The following RIN2 variants were observed in gnomAD, a reference collection of about 807,000 sequenced individuals.
RIN2 encodes the protein Ras and Rab interactor 2.
RIN2 carries 36 observed loss-of-function variants against 78.0 expected under a neutral mutation model. That is an observed-to-expected ratio of 0.46 (90% CI 0.35 to 0.61). The LOEUF (loss-of-function observed/expected upper bound fraction) is 0.61. Ranked by LOEUF, RIN2 falls within the 20% of genes least tolerant of loss-of-function variation. The pLI is 0.00. For synonymous variants in RIN2, 466 were observed against 466.8 expected (o/e 1.00, Z 0.02); for missense variants, 1,087 against 1,159.7 (o/e 0.94, Z 0.91).
intron 2 of RIN2, among the ~76,000 whole-genome samples, chr20:19,862,049 C>A (rs1284926178): frequency 6.6e-6 from 1 of 152,018 alleles, no homozygotes; most frequent in Non-Finnish European, 1.5e-5. Context: ...ACCCTCCATA[C>A]CTGATCAGAT....
At chr20:19,788,432 C>CAAAAAAAAA (rs1224663738) in intron 1 of RIN2, among the ~76,000 whole-genome samples, 36 of 53,726 alleles carry the variant, frequency 6.7e-4, no homozygotes, top group African/African-American at 2.0e-3. Flanking sequence ...CTGTCTCTGC[C>CAAAAAAAAA]AAAAAAAAAA....
At chr20:19,949,727 C>T (rs971426866) in intron 4 of RIN2, among the ~76,000 whole-genome samples, 1 of 152,254 alleles carries the variant, frequency 6.6e-6, no homozygotes, top group Non-Finnish European at 1.5e-5. Context: ...GCAAGGGAGG[C>T]TTCATAGCAT....
chr20:19,963,797 T>C (rs8121827), intron 6 of RIN2, among the ~76,000 whole-genome samples: 28,684 of 151,236 alleles, frequency 0.19, 3,694 homozygotes, highest in East Asian at 0.53. Context: ...GTCAGACTAC[T>C]TGCTGCTCCA....
chr20:19,968,645 CA>C (rs1952965723), intron 7 of RIN2, among the ~76,000 whole-genome samples: 1 of 152,220 alleles, frequency 6.6e-6, no homozygotes, highest in South Asian at 2.1e-4. Context: ...AACCCCAAAC[CA>C]GTCATGTGAC....
chr20:19,851,227 C>A (rs2036971664), intron 2 of RIN2, among the ~76,000 whole-genome samples: 1 of 152,014 alleles, frequency 6.6e-6, no homozygotes, highest in Non-Finnish European at 1.5e-5. Context: ...AACCTTGGGG[C>A]AGGTGAGATG....
intron 1 of RIN2, among the ~76,000 whole-genome samples, chr20:19,760,237 T>A (rs1374804977): frequency 4.6e-5 from 7 of 152,296 alleles, no homozygotes; most frequent in African/African-American, 1.7e-4. Flanking sequence ...CTTTTGGAAC[T>A]TGGGAAGAAG....
chr20:19,853,130 G>A (rs2037046216), intron 2 of RIN2, among the ~76,000 whole-genome samples: 1 of 149,674 alleles, frequency 6.7e-6, no homozygotes, highest in Non-Finnish European at 1.5e-5. Context: ...AGAATATGCG[G>A]TGTTTGGTTT....
intron 2 of RIN2, among the ~76,000 whole-genome samples, chr20:19,816,718 A>G (rs1390320279): frequency 6.6e-6 from 1 of 152,218 alleles, no homozygotes; most frequent in Non-Finnish European, 1.5e-5. Flanking sequence ...TTTCCTGAAC[A>G]TATAGGAAGT....
At chr20:19,892,999 C>A (rs1395397303) in intron 3 of RIN2, among the ~76,000 whole-genome samples, 2 of 152,180 alleles carry the variant, frequency 1.3e-5, no homozygotes, top group African/African-American at 2.4e-5. Context: ...CCACCCCTAA[C>A]CTCATGGAGC....
At chr20:19,867,258 G>A (rs545216540) in intron 2 of RIN2, among the ~76,000 whole-genome samples, 15 of 152,128 alleles carry the variant, frequency 9.9e-5, no homozygotes, top group South Asian at 2.1e-4. Context: ...CATGAGTCAC[G>A]CCTCTTTACC....
At chr20:19,876,773 C>T (rs1490524111) in intron 2 of RIN2, among the ~76,000 whole-genome samples, 4 of 151,828 alleles carry the variant, frequency 2.6e-5, no homozygotes, top group Admixed American at 1.3e-4. Flanking sequence ...GGTGTGGTGG[C>T]GGGTGCGTGT....
chr20:19,886,680 C>A, intron 2 of RIN2: 1 of 1,502,564 alleles, frequency 6.7e-7, no homozygotes, highest in Non-Finnish European at 9.0e-7. Context: ...ATGTTGGACT[C>A]ATTTTCTCAA....
chr20:19,847,200 A>G (rs1455131134), intron 2 of RIN2, among the ~76,000 whole-genome samples: 1 of 151,976 alleles, frequency 6.6e-6, no homozygotes, highest in Non-Finnish European at 1.5e-5. Context: ...TTTGCTTTTT[A>G]TCCTTCATCT....
chr20:19,959,750 G>T (rs2146253744), intron 5 of RIN2, among the ~76,000 whole-genome samples: 1 of 152,314 alleles, frequency 6.6e-6, no homozygotes, highest in Non-Finnish European at 1.5e-5. Context: ...CAGAATAGGA[G>T]AAGGGCCATG....
chr20:19,895,046 C>G (rs2038658436), intron 3 of RIN2, among the ~76,000 whole-genome samples: 1 of 152,106 alleles, frequency 6.6e-6, no homozygotes, highest in African/African-American at 2.4e-5. Flanking sequence ...TGCCCACCAC[C>G]CTATCCCTTA....
chr20:19,767,201 C>T (rs2033923698), intron 1 of RIN2, among the ~76,000 whole-genome samples: 2 of 152,186 alleles, frequency 1.3e-5, no homozygotes, highest in African/African-American at 4.8e-5. Flanking sequence ...ACTGGACAAA[C>T]AGTCTGATTG....
chr20:19,785,686 A>G (rs895005337), intron 1 of RIN2, among the ~76,000 whole-genome samples: 1 of 152,168 alleles, frequency 6.6e-6, no homozygotes. Context: ...CAAGTTCTCT[A>G]TTATATGAGA....
rs1417524901 is a variant in RIN2, at chr20:19,935,064, C to T, written c.58-35C>T. 7 of 1,534,978 alleles carry T rather than the reference C, an allele frequency of 4.6e-6. No homozygotes were observed. The East Asian group carries it at 9.7e-5, about 21-fold the overall frequency. The stretch of plus-strand genomic sequence containing the variant: ...GCTGTGGGCATGCCACGCCTCTCCA[C>T]TTCCTGACGTCATACTATTTTTGTC... On this transcript the variant is annotated intron_variant, in intron 3 of 12. Transcript: ENST00000255006.
chr20:19,900,219 C>G (rs898407181), intron 3 of RIN2, among the ~76,000 whole-genome samples: 1 of 152,200 alleles, frequency 6.6e-6, no homozygotes, highest in Admixed American at 6.5e-5. Context: ...CATCATGGCT[C>G]ATGCCTGTAA....
Sources: allele counts gnomAD v4.1 joint callset (sites outside exome capture counted in the v4.1 genomes callset), GRCh38; gene constraint gnomAD v4.1.1; transcripts MANE v1.5; gene names NCBI Gene and HGNC (gene_info 2026-07-23, HGNC 2026-07-21).